Variants in NCKAP5 observed in about 807,000 individuals in gnomAD.
NCKAP5 encodes the protein NCK associated protein 5.
NCKAP5 carries 92 observed loss-of-function variants against 167.0 expected under a neutral mutation model. The ratio of observed to expected loss-of-function variants is 0.55; its 90% CI spans 0.47 to 0.66. The LOEUF is 0.66. Ranked by LOEUF, NCKAP5 falls within the 30% of genes least tolerant of loss-of-function variation. The pLI is 0.00. For missense variants in NCKAP5, 2,378 were observed against 2,315.0 expected (o/e 1.03, Z -0.56); for synonymous variants, 891 against 877.4 (o/e 1.02, Z -0.27).
chr2:132,814,031 G>C (rs1467423107), intron 11 of NCKAP5, among the ~76,000 whole-genome samples: 1 of 152,178 alleles, frequency 6.6e-6, no homozygotes, highest in African/African-American at 2.4e-5. Flanking sequence ...GGTTTTACTA[G>C]GACAAGTTGC....
chr2:133,673,995 T>C, the NCKAP5 span, among the ~76,000 whole-genome samples: 1 of 152,166 alleles, frequency 6.6e-6, no homozygotes. Context: ...TTCTTAGGAA[T>C]TTAAGATAGG....
chr2:133,367,275 T>C (rs1403514524), intron 3 of NCKAP5, among the ~76,000 whole-genome samples: 2 of 152,108 alleles, frequency 1.3e-5, no homozygotes, highest in African/African-American at 4.8e-5. Flanking sequence ...GCAGCTGTTT[T>C]CACAAAGCCA....
intron 8 of NCKAP5, among the ~76,000 whole-genome samples, chr2:132,926,880 G>A (rs1558950889): frequency 6.6e-6 from 1 of 152,046 alleles, no homozygotes; most frequent in Admixed American, 6.6e-5. Context: ...GTTTTATTAA[G>A]TCCCATCTGT....
In NCKAP5 at chr2:132,891,666, T is replaced by C. The variant is rs79938584; in HGVS notation, c.580-12750A>G. Among the ~76,000 whole-genome samples, 693 of 152,296 alleles carry C rather than the reference T, an allele frequency of 4.6e-3. 4 individuals carry two copies. Among genetic ancestry groups the C allele is most frequent in the African/African-American group, 0.015 (614 of 41,560 alleles). ...AACTGTGTGTGATTTGGAAAACCAT[T>C]ATTTGATGCTGCATTACATCTGGAA... On this transcript the variant is annotated intron_variant, in intron 8 of 19. Transcript: ENST00000409261.
chr2:133,482,954 A>G (rs1367019719), intron 3 of NCKAP5, among the ~76,000 whole-genome samples: 1 of 152,200 alleles, frequency 6.6e-6, no homozygotes, highest in African/African-American at 2.4e-5. Flanking sequence ...CGATGCAAAA[A>G]TTAAACTTAT....
rs540011150 is a variant in NCKAP5, at chr2:132,850,440, G to A, written c.807+10052C>T. Among the ~76,000 whole-genome samples the A allele has an allele frequency of 9.1e-4, 139 of 152,138 alleles. 1 individual carries two copies. The highest frequency in any genetic ancestry group is 3.2e-3 in the African/African-American group (133 of 41,520). On this transcript the variant is annotated intron_variant, in intron 11 of 19. Transcript: ENST00000409261. ...AATTTAAGGCAGGAAGCTTTGGACC[G>A]GAGAGAACCCTGGCTAAGAAGAAGC... is the stretch of plus-strand genomic sequence containing the variant.
chr2:132,973,751 A>T (rs534589714), intron 7 of NCKAP5, among the ~76,000 whole-genome samples: 2 of 152,116 alleles, frequency 1.3e-5, no homozygotes, highest in South Asian at 4.2e-4. Flanking sequence ...AAAAAAACAA[A>T]AAAGAAAACC....
chr2:133,546,083 C>G (rs1686639732), intron 2 of NCKAP5, among the ~76,000 whole-genome samples: 1 of 151,970 alleles, frequency 6.6e-6, no homozygotes, highest in African/African-American at 2.4e-5. Context: ...TGCACACACA[C>G]ACCCCCCACA....
chr2:133,097,977 T>C (rs1010587646), intron 6 of NCKAP5, among the ~76,000 whole-genome samples: 5 of 152,210 alleles, frequency 3.3e-5, no homozygotes, highest in African/African-American at 2.4e-5. Flanking sequence ...GGCAGGCACC[T>C]GAAAAGTCAC....
At chr2:133,024,842 G>A (rs1040564473) in intron 6 of NCKAP5, among the ~76,000 whole-genome samples, 1 of 152,118 alleles carries the variant, frequency 6.6e-6, no homozygotes, top group African/African-American at 2.4e-5. Context: ...TTGGATTTGG[G>A]AACTCAGTCC....
the NCKAP5 span, among the ~76,000 whole-genome samples, chr2:133,593,564 G>A: frequency 0.34 from 51,026 of 151,770 alleles, 9,952 homozygotes; most frequent in Middle Eastern, 0.53. Flanking sequence ...TCTTTTTGCC[G>A]AAGGCTGGGG....
chr2:132,794,292 AGAGAGAGAGAGAGAGG>A (rs1281184577), intron 12 of NCKAP5, among the ~76,000 whole-genome samples: 20 of 120,924 alleles, frequency 1.7e-4, no homozygotes, highest in African/African-American at 6.0e-4. Context: ...AGAGAGAGAG[AGAGAGAGAGAGAGAGG>A]GTGGCGGGAA....
At chr2:132,960,884 C>T (rs1392129471) in intron 8 of NCKAP5, among the ~76,000 whole-genome samples, 2 of 152,014 alleles carry the variant, frequency 1.3e-5, no homozygotes, top group Non-Finnish European at 2.9e-5. Context: ...TTCTGTGATC[C>T]ACAACACCAG....
At chr2:133,231,626 A>C (rs1396967988) in intron 4 of NCKAP5, among the ~76,000 whole-genome samples, 1 of 152,156 alleles carries the variant, frequency 6.6e-6, no homozygotes, top group Non-Finnish European at 1.5e-5. Context: ...TGAAACAACA[A>C]TGATTAGAAT....
intron 3 of NCKAP5, among the ~76,000 whole-genome samples, chr2:133,361,031 T>G (rs567678011): frequency 2.4e-4 from 36 of 150,014 alleles, no homozygotes; most frequent in African/African-American, 9.0e-4. Context: ...CAAGGACCTA[T>G]GCTGGTGACT....
At chr2:133,564,116 A>G (rs1370054776) in intron 1 of NCKAP5, among the ~76,000 whole-genome samples, 1 of 152,076 alleles carries the variant, frequency 6.6e-6, no homozygotes, top group Non-Finnish European at 1.5e-5. Context: ...CCTAGGCAAC[A>G]AGAGTGAAAC....
chr2:132,897,318 T>G (rs1693282562), intron 8 of NCKAP5, among the ~76,000 whole-genome samples: 1 of 152,194 alleles, frequency 6.6e-6, no homozygotes, highest in African/African-American at 2.4e-5. Flanking sequence ...GGATGAAATG[T>G]CAGGCTGGGA....
At chr2:133,280,743 C>A (rs533360279) in intron 4 of NCKAP5, among the ~76,000 whole-genome samples, 1 of 152,282 alleles carries the variant, frequency 6.6e-6, no homozygotes, top group East Asian at 1.9e-4. Context: ...CTTGCCAGTT[C>A]TATGTAAATA....
chr2:133,289,055 C>A (rs560398447), intron 4 of NCKAP5, among the ~76,000 whole-genome samples: 4 of 152,170 alleles, frequency 2.6e-5, no homozygotes, highest in Non-Finnish European at 5.9e-5. Context: ...AGGACTTAAA[C>A]TCCACATTGC....
Sources: allele counts gnomAD v4.1 joint callset (sites outside exome capture counted in the v4.1 genomes callset), GRCh38; gene constraint gnomAD v4.1.1; transcripts MANE v1.5; gene names NCBI Gene and HGNC (gene_info 2026-07-23, HGNC 2026-07-21).